FAM78B: variants seen among roughly 807,000 people sequenced by gnomAD.
FAM78B encodes the protein family with sequence similarity 78 member B.
In FAM78B, 10 loss-of-function variants were observed where a neutral mutation model predicts 20.0. The ratio of observed to expected loss-of-function variants is 0.50; its 90% CI spans 0.31 to 0.85. The LOEUF is 0.85. Among genes scored for constraint, FAM78B ranks in the 40% least tolerant of loss-of-function variants. The probability of loss-of-function intolerance (pLI) is 0.05; values close to 1 mark genes in which losing one functional copy is unlikely to be tolerated. For synonymous variants in FAM78B, 135 were observed against 132.8 expected (o/e 1.02, Z -0.12); for missense variants, 283 against 345.0 (o/e 0.82, Z 1.42).
downstream of FAM78B, chr1:166,057,305 G>A (rs1651388270): frequency 1.4e-5 from 2 of 146,770 alleles, no homozygotes; most frequent in Admixed American, 1.3e-4. Flanking sequence ...TTCCTAGCTG[G>A]GCAGGATTCC....
intron 1 of FAM78B, among the ~76,000 whole-genome samples, chr1:166,087,660 CTT>C (rs2101732317): frequency 6.6e-6 from 1 of 152,332 alleles, no homozygotes; most frequent in East Asian, 1.9e-4. Context: ...ATGTGTCTCT[CTT>C]TGCCCAGCTT....
chr1:166,144,133 G>C (rs1010619698), intron 1 of FAM78B, among the ~76,000 whole-genome samples: 14 of 152,294 alleles, frequency 9.2e-5, no homozygotes, highest in Non-Finnish European at 2.1e-4. Flanking sequence ...GGGTTCCCAG[G>C]GATGAAGGGC....
Position 166,070,308 on chromosome 1 carries a change from T to C in FAM78B, c.719A>G (p.Asn240Ser), listed in dbSNP as rs137906062. The stretch of plus-strand genomic sequence containing the variant: ...CCTCCACATGAGGACCTGGGCATCA[T>C]TGGCATTGGGTTTCACTAGTGCATT... ...PPNALVKPNA[N>S]DAQVLMWRPK... Residue 240 changes from asparagine (N) to serine (S), a missense_variant, in exon 2 of 2, where the codon AAT (asparagine) becomes AGT (serine). Asn to Ser is a conservative substitution (Grantham distance 46, BLOSUM62 1). Coordinates refer to ENST00000354422, the MANE Select transcript of FAM78B (RefSeq NM_001017961.5). 8.2e-6 allele frequency: 13 copies of C among 1,586,480 alleles called. No homozygotes were observed. The highest frequency in any genetic ancestry group is 2.2e-5 in the East Asian group (1 of 44,544).
chr1:166,062,840 T>A (rs576766452), intron 2 of FAM78B, among the ~76,000 whole-genome samples: 94 of 152,348 alleles, frequency 6.2e-4, no homozygotes, highest in South Asian at 6.0e-3. Context: ...TAACATTTCA[T>A]TGGATCACGT....
At position 166,166,060 on chromosome 1, in the gene FAM78B, G is replaced by C. The variant is rs1041596653; in HGVS notation, c.189C>G (p.His63Gln). 6.2e-7 allele frequency: 1 copy of C among 1,613,998 alleles called. No individual in the cohort carries two copies. Among genetic ancestry groups the C allele is most frequent in the Non-Finnish European group, 8.5e-7 (1 of 1,180,016 alleles). Reference sequence around the variant, plus strand: ...GAATCCAGCCCACCACCCAGGTCTCGTGGCGGGGGATGGGGGGCATGACCA... The same window carrying C: ...GAATCCAGCCCACCACCCAGGTCTCCTGGCGGGGGATGGGGGGCATGACCA... ...ARVVMPPIPR[H>Q]ETWVVGWIQA... Residue 63 changes from histidine to glutamine, a missense_variant, in exon 1 of 2, where the codon CAC becomes CAG. Physicochemically the swap from His to Gln is conservative, Grantham distance 24. Coordinates refer to ENST00000354422, the MANE Select transcript of FAM78B (RefSeq NM_001017961.5).
At chr1:166,129,999 T>C (rs1654815446) in intron 1 of FAM78B, among the ~76,000 whole-genome samples, 1 of 152,216 alleles carries the variant, frequency 6.6e-6, no homozygotes, top group Non-Finnish European at 1.5e-5. Context: ...GGGTCACTGC[T>C]CCCTCTGATT....
intron 1 of FAM78B, among the ~76,000 whole-genome samples, chr1:166,102,008 C>A (rs1379340907): frequency 1.3e-5 from 2 of 152,210 alleles, no homozygotes; most frequent in East Asian, 3.8e-4. Flanking sequence ...AACAGCTGAA[C>A]TCTCGGCAGA....
chr1:166,118,454 CATAAG>C (rs754519725), intron 1 of FAM78B, among the ~76,000 whole-genome samples: 2 of 152,126 alleles, frequency 1.3e-5, no homozygotes, highest in Admixed American at 1.3e-4. Flanking sequence ...GTTTTGTCTT[CATAAG>C]ATAAAACATA....
intron 1 of FAM78B, among the ~76,000 whole-genome samples, chr1:166,089,376 G>A (rs1249648677): frequency 1.3e-5 from 2 of 152,202 alleles, no homozygotes; most frequent in Non-Finnish European, 2.9e-5. Flanking sequence ...TTCCATCAGC[G>A]TGTATGAAGA....
chr1:166,116,102 C>T (rs1161817341), intron 1 of FAM78B, among the ~76,000 whole-genome samples: 4 of 152,176 alleles, frequency 2.6e-5, no homozygotes, highest in African/African-American at 4.8e-5. Context: ...TAAAGCCAGG[C>T]TTCTTGGCCC....
intron 1 of FAM78B, among the ~76,000 whole-genome samples, chr1:166,101,566 C>G (rs1243968954): frequency 2.6e-5 from 4 of 152,172 alleles, no homozygotes; most frequent in African/African-American, 9.7e-5. Flanking sequence ...GACGAATGCG[C>G]AAGCTTCAGT....
chr1:166,126,627 T>C (rs962898694), intron 1 of FAM78B, among the ~76,000 whole-genome samples: 2 of 151,820 alleles, frequency 1.3e-5, no homozygotes, highest in African/African-American at 2.4e-5. Flanking sequence ...AGAGGGCACG[T>C]GAGGCTGGGA....
At chr1:166,087,243 T>C (rs1461802610) in intron 1 of FAM78B, 2 of 152,136 alleles carry the variant, frequency 1.3e-5, no homozygotes, top group African/African-American at 2.4e-5. Flanking sequence ...TTTTGTATTT[T>C]TGATAGAGAC....
rs142130759 is a variant in FAM78B at position 166,106,123 on chromosome 1, G to A, written c.264-35360C>T. Among the ~76,000 whole-genome samples the A allele has an allele frequency of 9.3e-3, 1,377 of 148,540 alleles. 7 individuals carry two copies. Among genetic ancestry groups the A allele is most frequent in the Non-Finnish European group, 0.012 (829 of 67,542 alleles). On this transcript the variant is annotated intron_variant, in intron 1 of 1. Coordinates refer to ENST00000354422, the MANE Select transcript of FAM78B (RefSeq NM_001017961.5). ...TCACAAGGACGAAAAACCAAACACC[G>A]TATGTTCTCACTCACAGGTGGGAAT... is the stretch of plus-strand genomic sequence containing the variant.
chr1:166,098,478 G>A (rs1208382514), intron 1 of FAM78B, among the ~76,000 whole-genome samples: 2 of 151,972 alleles, frequency 1.3e-5, no homozygotes, highest in Admixed American at 6.6e-5. Context: ...CCCAGTGCAA[G>A]GAAATCCAAA....
rs1651958645 is a variant in FAM78B, at chr1:166,070,075, T to G, written c.*166A>C. ...AAGGGATTTTTCCTAAGGATTATGG[T>G]TCTACCACCCAAGGAGCAGCCCTAC... On this transcript the variant is annotated 3_prime_UTR_variant, in exon 2 of 2. Coordinates refer to ENST00000354422, the MANE Select transcript of FAM78B (RefSeq NM_001017961.5). 7.7e-7 allele frequency: 1 copy of G among 1,304,812 alleles called. No individual in the cohort carries two copies. Among genetic ancestry groups the G allele is most frequent in the African/African-American group, 1.5e-5 (1 of 67,644 alleles). The allele number at this position is 1,304,812 out of a possible 1,614,324, so 80.8% of individuals were successfully genotyped here.
intron 1 of FAM78B, among the ~76,000 whole-genome samples, chr1:166,163,406 A>C (rs1656236278): frequency 1.3e-5 from 2 of 152,192 alleles, no homozygotes; most frequent in Non-Finnish European, 2.9e-5. Flanking sequence ...TACAATTTAA[A>C]CCACAAAACC....
intron 1 of FAM78B, among the ~76,000 whole-genome samples, chr1:166,155,747 T>C (rs1309049751): frequency 1.3e-5 from 2 of 152,106 alleles, no homozygotes; most frequent in Non-Finnish European, 2.9e-5. Context: ...AGCTCAGGTG[T>C]GGGGACTGCC....
chr1:166,067,983 G>A (rs998826283), downstream of FAM78B, among the ~76,000 whole-genome samples: 5 of 152,178 alleles, frequency 3.3e-5, no homozygotes, highest in African/African-American at 1.2e-4. Flanking sequence ...AAAGTTATTT[G>A]TAAATATAGT....
Sources: allele counts gnomAD v4.1 joint callset (sites outside exome capture counted in the v4.1 genomes callset), GRCh38; gene constraint gnomAD v4.1.1; transcripts MANE v1.5; gene names NCBI Gene and HGNC (gene_info 2026-07-23, HGNC 2026-07-21).